OR3A2: variants seen among roughly 807,000 people sequenced by gnomAD.
The protein encoded by OR3A2 is olfactory receptor family 3 subfamily A member 2.
For synonymous variants in OR3A2, 126 were observed against 159.3 expected, an observed-to-expected ratio of 0.79 and a Z score of 1.57; for missense variants, 318 against 392.8, an observed-to-expected ratio of 0.81 and a Z score of 1.61.
intron 2 of OR3A2, among the ~76,000 whole-genome samples, chr17:3,371,870 G>T (rs965214992): frequency 7.0e-6 from 1 of 143,834 alleles, no homozygotes; most frequent in Non-Finnish European, 1.5e-5. Flanking sequence ...CTGGCCGGGA[G>T]GGGAGCTGAC....
intron 2 of OR3A2, among the ~76,000 whole-genome samples, chr17:3,347,412 A>G (rs533775944): frequency 1.5e-4 from 23 of 152,064 alleles, no homozygotes; most frequent in African/African-American, 5.5e-4. Context: ...GCCCCACAAC[A>G]GTCCCCAGAG....
At chr17:3,385,926 C>CT in intron 1 of OR3A2, 199 bp downstream of exon 1, 1 of 398,714 alleles carries the variant, frequency 2.5e-6, no homozygotes, top group Non-Finnish European at 4.4e-6. Context: ...TGTCAGTCCA[C>CT]TCCATGGCTC....
Position 3,367,599 on chromosome 17 carries a change from G to GTATATATAATA in OR3A2, c.-179+16204_-179+16205insTATTATATATA, listed in dbSNP as rs201439962. Among the ~76,000 whole-genome samples the GTATATATAATA allele has an allele frequency of 8.3e-4, 71 of 85,966 alleles. 3 individuals carry two copies. The highest frequency in any genetic ancestry group is 3.6e-3 in the African/African-American group (71 of 19,808). 56.4% of individuals were successfully genotyped at this position (85,966 alleles called of 152,430 possible). ...GGTGTATATGTATATGTGTGTGTGT[G>GTATATATAATA]TGTATATATATATATATATATATGC... On this transcript the variant is annotated intron_variant, in intron 2 of 4. Transcript: ENST00000573491.
chr17:3,319,938 T>G lies in OR3A2; in HGVS notation c.-85+16095A>C, dbSNP rs552419170. On this transcript the variant is annotated intron_variant, in intron 3 of 4. Transcript: ENST00000573491. ...AAATGGTATTTCTAGTTCTAGATCC[T>G]TGAGGAATCGCCACACTGACTTCCA... Among the ~76,000 whole-genome samples the G allele has an allele frequency of 9.9e-5, 15 of 152,284 alleles. No individual in the cohort carries two copies. The South Asian group carries it at 2.9e-3, about 29-fold the overall frequency.
intron 3 of OR3A2, among the ~76,000 whole-genome samples, chr17:3,316,198 A>AT: frequency 6.6e-6 from 1 of 152,220 alleles, no homozygotes; most frequent in Non-Finnish European, 1.5e-5. Flanking sequence ...CTTTGCAGAT[A>AT]TAAGTCCATG....
intron 2 of OR3A2, among the ~76,000 whole-genome samples, chr17:3,336,474 G>C (rs1007206597): frequency 6.6e-6 from 1 of 152,090 alleles, no homozygotes; most frequent in African/African-American, 2.4e-5. Context: ...TGTAACTAAT[G>C]ATAGATACAA....
chr17:3,322,778 T>G (rs566269650), intron 3 of OR3A2, among the ~76,000 whole-genome samples: 3 of 152,160 alleles, frequency 2.0e-5, no homozygotes, highest in African/African-American at 7.2e-5. Context: ...TGCTGAGGAG[T>G]GCTTTACTTC....
At position 3,332,220 on chromosome 17, in the gene OR3A2, G is replaced by A. The variant is rs1212450315; in HGVS notation, c.-85+3813C>T. ...CCTACAGAGGCAGGCAGGCCTCCTTGAGCTGTGGTGGGCTCCACCCAGTTC... is the reference window on the plus strand; with the variant it reads ...CCTACAGAGGCAGGCAGGCCTCCTTAAGCTGTGGTGGGCTCCACCCAGTTC... On this transcript the variant is annotated intron_variant, in intron 3 of 4. Coordinates refer to the OR3A2 transcript ENST00000573491. Among the ~76,000 whole-genome samples the A allele has an allele frequency of 2.0e-5, 3 of 152,350 alleles. No homozygotes were observed. The East Asian group carries it at 5.8e-4, about 29-fold the overall frequency.
downstream of OR3A2, among the ~76,000 whole-genome samples, chr17:3,276,481 C>G (rs936995298): frequency 1.3e-5 from 2 of 152,140 alleles, no homozygotes; most frequent in African/African-American, 4.8e-5. Context: ...TCCTACTTGA[C>G]AAAATAATAT....
At chr17:3,285,659 G>A (rs2048804029), upstream of OR3A2, among the ~76,000 whole-genome samples, 1 of 151,970 alleles carries the variant, frequency 6.6e-6, no homozygotes, top group African/African-American at 2.4e-5. Flanking sequence ...ACAGTGGTGC[G>A]GGCCTGTAGT....
At chr17:3,297,016 G>T (rs2150624350) in intron 3 of OR3A2, among the ~76,000 whole-genome samples, 1 of 152,140 alleles carries the variant, frequency 6.6e-6, no homozygotes, top group African/African-American at 2.4e-5. Context: ...GCCCCCTCTG[G>T]GCCCTGCAGA....
chr17:3,377,602 C>T (rs745590541), intron 2 of OR3A2: 42 of 152,172 alleles, frequency 2.8e-4, no homozygotes, highest in Non-Finnish European at 4.4e-4. Context: ...ACGTACAGCA[C>T]GGGGGCTGCT....
downstream of OR3A2, among the ~76,000 whole-genome samples, chr17:3,276,360 C>T (rs1396441244): frequency 2.0e-5 from 3 of 152,138 alleles, no homozygotes; most frequent in Non-Finnish European, 4.4e-5. Flanking sequence ...GTGAAACGGG[C>T]ATATCATATA....
chr17:3,368,083 T>C (rs1222612573), intron 2 of OR3A2, among the ~76,000 whole-genome samples: 1 of 152,166 alleles, frequency 6.6e-6, no homozygotes, highest in African/African-American at 2.4e-5. Context: ...TTTGATGGAA[T>C]TGTTTTTTTC....
At chr17:3,300,771 T>C (rs998243090) in intron 3 of OR3A2, among the ~76,000 whole-genome samples, 2 of 152,114 alleles carry the variant, frequency 1.3e-5, no homozygotes, top group Non-Finnish European at 2.9e-5. Flanking sequence ...ATACATGTGC[T>C]GTGTTGGTGT....
At chr17:3,305,560 C>T (rs1048835209) in intron 3 of OR3A2, among the ~76,000 whole-genome samples, 1 of 151,806 alleles carries the variant, frequency 6.6e-6, no homozygotes, top group Non-Finnish European at 1.5e-5. Flanking sequence ...ATCAGAGATG[C>T]AAATACTTTG....
In OR3A2 at chr17:3,316,095, C is replaced by G. The variant is rs539585004; in HGVS notation, c.-85+19938G>C. On this transcript the variant is annotated intron_variant, in intron 3 of 4. Coordinates refer to the OR3A2 transcript ENST00000573491. ...GCACCACCATCAACAACCTGTCCCC[C>G]CAGCACCCACTTCCCTATTGCACAG... 2.6e-5 allele frequency among the ~76,000 whole-genome samples: 4 copies of G among 152,298 alleles called. No individual in the cohort carries two copies. In the East Asian group the frequency reaches 7.7e-4, roughly 29 times the overall value.
intron 3 of OR3A2, chr17:3,310,266 G>T (rs373323526): frequency 7.5e-5 from 37 of 495,968 alleles, no homozygotes; most frequent in African/African-American, 6.8e-4. Flanking sequence ...TGCCACCACC[G>T]GCCCCATCTA....
At chr17:3,335,959 A>G (rs2049272283) in intron 3 of OR3A2, 70 bp downstream of exon 2, 2 of 152,282 alleles carry the variant, frequency 1.3e-5, no homozygotes, top group South Asian at 4.1e-4. Flanking sequence ...AAGTGCTAAA[A>G]TGTCACTGCA....
Sources: gnomAD v4.1 joint callset for allele counts (sites outside exome capture counted in the v4.1 genomes callset) on GRCh38, gnomAD v4.1.1 for gene constraint, MANE v1.5 for transcripts, NCBI Gene and HGNC (gene_info 2026-07-23, HGNC 2026-07-21) for gene names.